Variants in GRIN2A observed in about 807,000 individuals in gnomAD.
The protein encoded by GRIN2A is glutamate receptor ionotropic, NMDA 2A.
A neutral mutation model predicts 113.4 loss-of-function variants in GRIN2A; 22 were observed. The observed-to-expected ratio is 0.19, with a 90% CI of 0.14 to 0.28. The LOEUF is 0.28. Among genes scored for constraint, GRIN2A ranks in the 10% least tolerant of loss-of-function variants. The probability of loss-of-function intolerance (pLI) is 1.00; values close to 1 mark genes in which losing one functional copy is unlikely to be tolerated. For missense variants in GRIN2A, 1,502 were observed against 1,887.0 expected, an observed-to-expected ratio of 0.80 and a Z score of 3.78; for synonymous variants, 827 against 738.4, an observed-to-expected ratio of 1.12 and a Z score of -1.94.
intron 2 of GRIN2A, among the ~76,000 whole-genome samples, chr16:10,017,790 G>T (rs2046638467): frequency 1.3e-5 from 2 of 151,828 alleles, no homozygotes; most frequent in South Asian, 4.2e-4. Flanking sequence ...ATTTTAATAT[G>T]ATATTTTTAC....
At chr16:9,890,713 C>G (rs1422457436) in intron 4 of GRIN2A, among the ~76,000 whole-genome samples, 1 of 152,216 alleles carries the variant, frequency 6.6e-6, no homozygotes, top group Non-Finnish European at 1.5e-5. Flanking sequence ...ACTTCACTGT[C>G]TTTAAATTAT....
chr16:9,980,869 A>T (rs577968477), intron 2 of GRIN2A, among the ~76,000 whole-genome samples: 110 of 151,110 alleles, frequency 7.3e-4, no homozygotes, highest in Middle Eastern at 6.8e-3. Context: ...GGACAGCATT[A>T]GGAGATACAC....
At chr16:9,978,997 G>C (rs1271777017) in intron 2 of GRIN2A, among the ~76,000 whole-genome samples, 1 of 152,184 alleles carries the variant, frequency 6.6e-6, no homozygotes, top group Non-Finnish European at 1.5e-5. Flanking sequence ...AAGAAATCCT[G>C]ACGTTGATTT....
rs1900382055 is a variant in GRIN2A, at chr16:9,757,232, G to A, written c.*5917C>T. The A allele has an allele frequency of 4.6e-6, 1 of 219,694 alleles. No individual in the cohort carries two copies. Among genetic ancestry groups the A allele is most frequent in the Non-Finnish European group, 9.1e-6 (1 of 109,578 alleles). The allele number at this position is 219,694 out of a possible 1,614,324, so 13.6% of individuals were successfully genotyped here. A position where few individuals can be genotyped will look rare whatever the true frequency, so the allele number is the denominator to read the frequency against. On this transcript the variant is annotated 3_prime_UTR_variant, in exon 13 of 13. Coordinates refer to ENST00000330684, the MANE Select transcript of GRIN2A (RefSeq NM_001134407.3). ...CCTGTGCAAAAATGTAGGAGTGTGA[G>A]TGTGTTCACCTGGTTAGCAGCTCCT... is the stretch of plus-strand genomic sequence containing the variant.
chr16:10,104,581 G>C lies in GRIN2A; in HGVS notation c.414+75417C>G, dbSNP rs2048459432. ...GCTTGCACGAGCACAATTTTACGTGGTTATGGGAAGGAATGGTGTTCTCTA... is the reference window on the plus strand; with the variant it reads ...GCTTGCACGAGCACAATTTTACGTGCTTATGGGAAGGAATGGTGTTCTCTA... On this transcript the variant is annotated intron_variant, in intron 2 of 12. Coordinates refer to ENST00000330684, the MANE Select transcript of GRIN2A (RefSeq NM_001134407.3). 3.3e-5 allele frequency among the ~76,000 whole-genome samples: 5 copies of C among 152,174 alleles called. No individual in the cohort carries two copies. The South Asian group carries it at 1.0e-3, about 32-fold the overall frequency.
In GRIN2A at chr16:9,798,422, G is replaced by A; in HGVS notation, c.2211C>T (p.Tyr737=). ...AFIYDAAVLN[Y]KAGRDEGCKL... Reference sequence around the variant, plus strand: ...TGCAGCCTTCATCCCTCCCAGCCTTGTAATTCAAGACTGCGGCATCGTAGA... The same window carrying A: ...TGCAGCCTTCATCCCTCCCAGCCTTATAATTCAAGACTGCGGCATCGTAGA... The change falls in exon 11 of 13, where the codon TAC becomes TAT. Residue 737 remains tyrosine, a synonymous_variant. Transcript: ENST00000330684. 3 of 1,614,034 alleles carry A rather than the reference G, an allele frequency of 1.9e-6. No individual in the cohort carries two copies. The East Asian group carries it at 6.7e-5, about 36-fold the overall frequency.
intron 2 of GRIN2A, among the ~76,000 whole-genome samples, chr16:10,086,700 T>C (rs2048092761): frequency 6.6e-6 from 1 of 151,290 alleles, no homozygotes; most frequent in African/African-American, 2.4e-5. Flanking sequence ...CACAGGACCA[T>C]GTACCAGGAC....
intron 10 of GRIN2A, among the ~76,000 whole-genome samples, chr16:9,809,120 T>C (rs899113903): frequency 5.4e-5 from 8 of 148,494 alleles, no homozygotes; most frequent in African/African-American, 1.8e-4. Flanking sequence ...TGGACATATA[T>C]TAATATATAC....
At chr16:10,022,854 C>G (rs1181364633) in intron 2 of GRIN2A, among the ~76,000 whole-genome samples, 2 of 152,176 alleles carry the variant, frequency 1.3e-5, no homozygotes, top group Non-Finnish European at 1.5e-5. Context: ...AACAATGACA[C>G]TGTTCTCAAG....
intron 4 of GRIN2A, among the ~76,000 whole-genome samples, chr16:9,856,834 C>T (rs2042977432): frequency 6.6e-6 from 1 of 151,468 alleles, no homozygotes; most frequent in South Asian, 2.1e-4. Flanking sequence ...GATGTGAACC[C>T]AGGACTCATT....
intron 8 of GRIN2A, among the ~76,000 whole-genome samples, chr16:9,830,480 C>CAAAAAAA (rs71400501): frequency 4.1e-5 from 3 of 73,070 alleles, no homozygotes; most frequent in African/African-American, 8.9e-5. Context: ...TCTGCATGGG[C>CAAAAAAA]AAAAAAAAAA....
At chr16:9,954,465 C>T (rs144161124) in intron 2 of GRIN2A, among the ~76,000 whole-genome samples, 2 of 152,302 alleles carry the variant, frequency 1.3e-5, no homozygotes, top group Non-Finnish European at 2.9e-5. Context: ...TGTTCCAACA[C>T]TCTGATTTGT....
intron 3 of GRIN2A, among the ~76,000 whole-genome samples, chr16:9,900,624 C>G (rs979862079): frequency 2.6e-5 from 4 of 152,122 alleles, no homozygotes; most frequent in African/African-American, 9.7e-5. Flanking sequence ...GATGCATGTC[C>G]TAATTCTACT....
At chr16:10,015,473 A>C (rs2046592966) in intron 2 of GRIN2A, among the ~76,000 whole-genome samples, 1 of 152,010 alleles carries the variant, frequency 6.6e-6, no homozygotes, top group South Asian at 2.1e-4. Flanking sequence ...CAGTGACACA[A>C]CAACTAGTTC....
At chr16:9,942,500 A>G (rs2044907697) in intron 2 of GRIN2A, among the ~76,000 whole-genome samples, 1 of 152,134 alleles carries the variant, frequency 6.6e-6, no homozygotes, top group Non-Finnish European at 1.5e-5. Flanking sequence ...ATGGGATGAA[A>G]AGGTAGAAGT....
At chr16:10,112,100 C>G (rs896026592) in intron 2 of GRIN2A, 11 of 601,612 alleles carry the variant, frequency 1.8e-5, no homozygotes, top group Admixed American at 4.6e-5. Flanking sequence ...AGGATTCCCA[C>G]AAGCAGCTGC....
intron 2 of GRIN2A, among the ~76,000 whole-genome samples, chr16:10,009,119 A>C (rs1365597286): frequency 6.6e-6 from 1 of 152,194 alleles, no homozygotes. Flanking sequence ...CTGGTAAGTG[A>C]CCACTTTGAT....
At chr16:9,825,175 T>C (rs1045101252) in intron 9 of GRIN2A, among the ~76,000 whole-genome samples, 3 of 152,210 alleles carry the variant, frequency 2.0e-5, no homozygotes, top group Non-Finnish European at 4.4e-5. Flanking sequence ...AGGAGACAAG[T>C]TCAGGTTCTC....
chr16:10,101,176 G>C (rs1484497458), intron 2 of GRIN2A, among the ~76,000 whole-genome samples: 2 of 152,228 alleles, frequency 1.3e-5, no homozygotes, highest in African/African-American at 4.8e-5. Context: ...TAGGTTGGCA[G>C]AGACTGTCTG....
Sources: allele counts gnomAD v4.1 joint callset (sites outside exome capture counted in the v4.1 genomes callset), GRCh38; gene constraint gnomAD v4.1.1; transcripts MANE v1.5; gene names NCBI Gene and HGNC (gene_info 2026-07-23, HGNC 2026-07-21).